TECRL: variants seen among roughly 807,000 people sequenced by gnomAD.
TECRL encodes trans-2,3-enoyl-CoA reductase-like.
TECRL carries 63 observed loss-of-function variants against 52.8 expected under a neutral mutation model. The ratio of observed to expected loss-of-function variants is 1.19; its 90% CI spans 0.97 to 1.47. The LOEUF is 1.47. TECRL is among the 40% of genes most tolerant of loss of function. TECRL has a pLI of 0.00. For missense variants in TECRL, 482 were observed against 429.6 expected, an observed-to-expected ratio of 1.12 and a Z score of -1.08; for synonymous variants, 164 against 141.9, an observed-to-expected ratio of 1.16 and a Z score of -1.10.
In TECRL at chr4:64,314,781, T is replaced by C. The variant is rs769802608; in HGVS notation, c.436-18A>G. Reference sequence around the variant, plus strand: ...AAAAACACCTGAAAATAAAACATGATTTAGATTAAACGATAAAAATAGATG... The same window carrying C: ...AAAAACACCTGAAAATAAAACATGACTTAGATTAAACGATAAAAATAGATG... On this transcript the variant is annotated intron_variant, in intron 4 of 11. Coordinates refer to ENST00000381210, the MANE Select transcript of TECRL (RefSeq NM_001010874.5). 3.9e-6 allele frequency: 6 copies of C among 1,521,092 alleles called. No individual in the cohort carries two copies. In the African/African-American group the frequency reaches 4.1e-5, roughly 10 times the overall value. The allele number at this position is 1,521,092 out of a possible 1,614,324, so 94.2% of individuals were successfully genotyped here. A position where few individuals can be genotyped will look rare whatever the true frequency, so the allele number is the denominator to read the frequency against.
chr4:64,300,353 C>T (rs1001432465), intron 7 of TECRL, among the ~76,000 whole-genome samples: 4 of 150,636 alleles, frequency 2.7e-5, no homozygotes, highest in Non-Finnish European at 6.0e-5. Context: ...CAAAATAACT[C>T]TCATTTTTAA....
At chr4:64,394,183 C>T (rs1723753406) in intron 1 of TECRL, among the ~76,000 whole-genome samples, 1 of 152,148 alleles carries the variant, frequency 6.6e-6, no homozygotes, top group African/African-American at 2.4e-5. Flanking sequence ...TCATTACCAA[C>T]ATGACCTGCT....
rs113086457 is a variant in TECRL, at chr4:64,393,092, G to T, written c.234+16026C>A. Among the ~76,000 whole-genome samples, 24 of 151,974 alleles carry T rather than the reference G, an allele frequency of 1.6e-4. 1 individual carries two copies. Among genetic ancestry groups the T allele is most frequent in the African/African-American group, 5.1e-4 (21 of 41,492 alleles). ...CCAGAATCTGGAAATAATAGTGATT[G>T]GTTGATGATGCTACATTTCTACCAA... is the stretch of plus-strand genomic sequence containing the variant. On this transcript the variant is annotated intron_variant, in intron 1 of 11. Transcript: ENST00000381210.
intron 1 of TECRL, among the ~76,000 whole-genome samples, chr4:64,379,042 T>G (rs1722594562): frequency 6.6e-6 from 1 of 152,008 alleles, no homozygotes; most frequent in African/African-American, 2.4e-5. Flanking sequence ...TTGGTTAATA[T>G]CAATTATGCC....
intron 2 of TECRL, among the ~76,000 whole-genome samples, chr4:64,350,758 G>C (rs149730237): frequency 1.3e-5 from 2 of 151,622 alleles, no homozygotes; most frequent in Non-Finnish European, 2.9e-5. Context: ...CAGTCTGCCC[G>C]CCTATCCCAT....
At chr4:64,314,812 AAGGT>A in intron 4 of TECRL, 49 bp from the exon 5 acceptor site, 1 of 1,368,420 alleles carries the variant, frequency 7.3e-7, no homozygotes, top group Non-Finnish European at 1.0e-6. Flanking sequence ...AGATGTTTTT[AAGGT>A]TCATTTGTGT....
chr4:64,327,545 T>C (rs535886752), intron 3 of TECRL, among the ~76,000 whole-genome samples: 5 of 152,192 alleles, frequency 3.3e-5, no homozygotes, highest in African/African-American at 1.2e-4. Context: ...GACAATAATT[T>C]GTCTTTCTTA....
rs1724936717 is a variant in TECRL at position 64,409,218 on chromosome 4, G to A, written c.134C>T (p.Pro45Leu). ...TTTGACTGCTGGAGTTGGTCTTAGA[G>A]GGCCCGCTGAGAGTACAAGTTTTGA... The part of the protein sequence containing the change: ...FLSKLVLSAG[P>L]LRPTPAVKHS... The change falls in exon 1 of 12, where the codon CCT becomes CTT. Residue 45 changes from proline (P) to leucine (L), a missense_variant. Pro to Leu is a moderately conservative substitution (Grantham distance 98). Coordinates refer to ENST00000381210, the MANE Select transcript of TECRL (RefSeq NM_001010874.5). 1.2e-6 allele frequency: 2 copies of A among 1,613,440 alleles called. No individual in the cohort carries two copies. The highest frequency in any genetic ancestry group is 2.7e-5 in the African/African-American group (2 of 74,974).
chr4:64,320,368 A>C (rs961772572), intron 4 of TECRL, among the ~76,000 whole-genome samples: 25 of 151,902 alleles, frequency 1.6e-4, no homozygotes, highest in Non-Finnish European at 1.5e-5. Flanking sequence ...TATGTGGTAA[A>C]ACATTACTTT....
chr4:64,395,641 A>G (rs1013112197), intron 1 of TECRL, among the ~76,000 whole-genome samples: 4 of 152,220 alleles, frequency 2.6e-5, no homozygotes, highest in East Asian at 1.9e-4. Flanking sequence ...AATACATTAT[A>G]TAAGAAAAAT....
chr4:64,277,035 T>A, downstream of TECRL: 2 of 1,497,778 alleles, frequency 1.3e-6, no homozygotes, highest in Non-Finnish European at 1.8e-6. Context: ...TTTTGATGTC[T>A]TAGGCAGTGA....
intron 2 of TECRL, among the ~76,000 whole-genome samples, chr4:64,342,289 T>G (rs533110461): frequency 6.6e-6 from 1 of 152,260 alleles, no homozygotes; most frequent in Non-Finnish European, 1.5e-5. Context: ...GAACAAGTAC[T>G]CTGGATCATT....
chr4:64,308,351 A>T (rs1178816597), intron 6 of TECRL, among the ~76,000 whole-genome samples: 1 of 152,160 alleles, frequency 6.6e-6, no homozygotes, highest in East Asian at 1.9e-4. Context: ...TCCTGAACTC[A>T]TAGTGCCATT....
intron 2 of TECRL, among the ~76,000 whole-genome samples, chr4:64,369,443 T>C (rs915650463): frequency 1.3e-5 from 2 of 152,164 alleles, no homozygotes; most frequent in Non-Finnish European, 2.9e-5. Context: ...ATTCATTACA[T>C]AATTTCTAAA....
intron 1 of TECRL, among the ~76,000 whole-genome samples, chr4:64,403,500 CACAT>C (rs951871032): frequency 5.9e-5 from 9 of 151,794 alleles, no homozygotes; most frequent in African/African-American, 2.2e-4. Flanking sequence ...CACACACACA[CACAT>C]AGACTTAGTA....
At chr4:64,368,552 C>T (rs1396836086) in intron 2 of TECRL, among the ~76,000 whole-genome samples, 7 of 152,184 alleles carry the variant, frequency 4.6e-5, no homozygotes, top group Non-Finnish European at 4.4e-5. Context: ...CCTTGGCCTC[C>T]GAAAGTGCTG....
chr4:64,405,962 G>A (rs1724687865), intron 1 of TECRL, among the ~76,000 whole-genome samples: 1 of 152,022 alleles, frequency 6.6e-6, no homozygotes, highest in Admixed American at 6.6e-5. Flanking sequence ...GTGCCTCACT[G>A]GTGACCTCAG....
At chr4:64,397,988 A>G (rs1397061990) in intron 1 of TECRL, among the ~76,000 whole-genome samples, 3 of 151,732 alleles carry the variant, frequency 2.0e-5, no homozygotes, top group Admixed American at 6.6e-5. Context: ...GAACTGTTTT[A>G]TGCTTATTCC....
At chr4:64,395,574 A>C (rs536072003) in intron 1 of TECRL, among the ~76,000 whole-genome samples, 39 of 152,346 alleles carry the variant, frequency 2.6e-4, no homozygotes, top group Admixed American at 5.9e-4. Context: ...GACTTCTAAA[A>C]TAAGCATCAA....
Sources: allele counts gnomAD v4.1 joint callset (sites outside exome capture counted in the v4.1 genomes callset), GRCh38; gene constraint gnomAD v4.1.1; transcripts MANE v1.5; gene names NCBI Gene and HGNC (gene_info 2026-07-23, HGNC 2026-07-21).